Variants in IFI16 observed in about 807,000 individuals in gnomAD.
IFI16 encodes the protein gamma-interferon-inducible protein 16.
In IFI16, 49 loss-of-function variants were observed where a neutral mutation model predicts 68.4. The observed-to-expected ratio is 0.72, with a 90% CI of 0.57 to 0.91. The LOEUF is 0.91. Among genes scored for constraint, IFI16 ranks in the 40% least tolerant of loss-of-function variants. The probability of loss-of-function intolerance (pLI) is 0.00; values close to 1 mark genes in which losing one functional copy is unlikely to be tolerated. For missense variants in IFI16, 878 were observed against 942.9 expected (o/e 0.93, Z 0.90); for synonymous variants, 307 against 315.0 (o/e 0.97, Z 0.27).
In IFI16 at chr1:159,016,535, A is replaced by G; in HGVS notation, c.384A>G (p.Lys128=). The part of the protein sequence containing the change: ...EGAEATPGAQ[K]RKKSTKEKAG... ...CAGGAAAATCAAACCACTTTCAGAA[A>G]AGAAAAAAATCAACCAAAGAAAAGG... is the stretch of plus-strand genomic sequence containing the variant. Residue 128 remains lysine (K), a splice_region_variant and synonymous_variant, in exon 4 of 12, where the codon AAA becomes AAG. Coordinates refer to ENST00000295809, the MANE Select transcript of IFI16 (RefSeq NM_001376587.1). The G allele has an allele frequency of 6.2e-7, 1 of 1,602,774 alleles. No homozygotes were observed. Among genetic ancestry groups the G allele is most frequent in the Non-Finnish European group, 8.5e-7 (1 of 1,176,148 alleles).
chr1:159,028,028 T>C (rs1653777822), intron 6 of IFI16, among the ~76,000 whole-genome samples: 1 of 152,188 alleles, frequency 6.6e-6, no homozygotes, highest in African/African-American at 2.4e-5. Context: ...TCTGCTTTGA[T>C]CTTTGTTATT....
At chr1:159,000,434 TTACAG>T (rs1408651570) in intron 1 of IFI16, 1 of 157,380 alleles carries the variant, frequency 6.4e-6, no homozygotes, top group Non-Finnish European at 1.4e-5. Flanking sequence ...AATAAAATGT[TTACAG>T]TACAGTAAAA....
chr1:159,034,796 T>G (rs369506087), intron 7 of IFI16, among the ~76,000 whole-genome samples: 2 of 152,208 alleles, frequency 1.3e-5, no homozygotes, highest in Non-Finnish European at 2.9e-5. Context: ...AATTGGGGTG[T>G]GGGAGTAATT....
chr1:159,017,525 A>C (rs920847194), intron 4 of IFI16, among the ~76,000 whole-genome samples: 3 of 150,612 alleles, frequency 2.0e-5, no homozygotes, highest in Admixed American at 2.0e-4. Context: ...AACTTTGTCT[A>C]TTTTTAGGCT....
chr1:159,001,084 TA>T (rs1369312248), upstream of IFI16, among the ~76,000 whole-genome samples: 1 of 152,176 alleles, frequency 6.6e-6, no homozygotes, highest in Non-Finnish European at 1.5e-5. Flanking sequence ...AAATTAAACA[TA>T]ATACTTCCAA....
chr1:159,009,598 G>A (rs1202089685), upstream of IFI16, among the ~76,000 whole-genome samples: 1 of 152,110 alleles, frequency 6.6e-6, no homozygotes, highest in Admixed American at 6.5e-5. Context: ...GGGTAAGAAA[G>A]TTCTAATGTT....
chr1:159,007,084 G>T (rs149379083), upstream of IFI16, among the ~76,000 whole-genome samples: 1 of 152,184 alleles, frequency 6.6e-6, no homozygotes, highest in Non-Finnish European at 1.5e-5. Flanking sequence ...AACCAAGTGT[G>T]ACGAAAAAGA....
Position 159,016,804 on chromosome 1 carries a change from C to T in IFI16, c.549+104C>T, listed in dbSNP as rs73021861. 0.012 allele frequency: 11,997 copies of T among 1,011,626 alleles called. 937 individuals are homozygous for T. The African/African-American group carries it at 0.17, about 14-fold the overall frequency. The allele number at this position is 1,011,626 out of a possible 1,614,324, so 62.7% of individuals were successfully genotyped here. A position where few individuals can be genotyped will look rare whatever the true frequency, so the allele number is the denominator to read the frequency against. ...TTGCATCGATAATTTGCTAGTTAAT[C>T]CAATGTACATATTGAGAAACCACTA... is the stretch of plus-strand genomic sequence containing the variant. On this transcript the variant is annotated intron_variant, in intron 4 of 11. Transcript: ENST00000295809.
intron 8 of IFI16, among the ~76,000 whole-genome samples, chr1:159,046,919 T>C (rs1346572951): frequency 1.3e-5 from 2 of 151,362 alleles, no homozygotes; most frequent in Non-Finnish European, 3.0e-5. Context: ...TAGATACCCT[T>C]TCCTAGGAGA....
chr1:159,009,012 G>A (rs1179854340), upstream of IFI16: 4 of 152,016 alleles, frequency 2.6e-5, no homozygotes, highest in African/African-American at 9.7e-5. Context: ...GACATCCTGG[G>A]GTTACAGCAC....
chr1:159,033,500 C>T (rs1334980817), intron 7 of IFI16, among the ~76,000 whole-genome samples: 4 of 152,152 alleles, frequency 2.6e-5, no homozygotes, highest in African/African-American at 9.7e-5. Flanking sequence ...TTGGTTCTTA[C>T]GTGTTGTTCC....
chr1:159,017,024 T>C (rs1272455618), intron 4 of IFI16, among the ~76,000 whole-genome samples: 1 of 152,182 alleles, frequency 6.6e-6, no homozygotes, highest in Non-Finnish European at 1.5e-5. Flanking sequence ...GTATTCCATG[T>C]CAGACCTCTC....
In IFI16 at chr1:159,023,001, C is replaced by T. The variant is rs574199199; in HGVS notation, c.1161+2472C>T. Among the ~76,000 whole-genome samples the T allele has an allele frequency of 7.2e-5, 11 of 152,100 alleles. No homozygotes were observed. In the South Asian group the frequency reaches 2.3e-3, roughly 32 times the overall value. On this transcript the variant is annotated intron_variant, in intron 6 of 11. Transcript: ENST00000295809. ...GGAGGAGAATTAGGAGTTAACTCTGCAAGAGTGGCAGAGATAAGTTTTTGT... is the reference window on the plus strand; with the variant it reads ...GGAGGAGAATTAGGAGTTAACTCTGTAAGAGTGGCAGAGATAAGTTTTTGT...
intron 9 of IFI16, among the ~76,000 whole-genome samples, 154 bp downstream of exon 9, chr1:159,049,753 C>T (rs1241790482): frequency 6.6e-6 from 1 of 152,182 alleles, no homozygotes; most frequent in Non-Finnish European, 1.5e-5. Context: ...ATTTTGAGGT[C>T]CTATCCAAAA....
At chr1:159,004,574 G>T (rs1652182847), upstream of IFI16, among the ~76,000 whole-genome samples, 1 of 152,092 alleles carries the variant, frequency 6.6e-6, no homozygotes, top group Non-Finnish European at 1.5e-5. Context: ...GCTTGATGGT[G>T]CATGCGTGTA....
At chr1:159,050,388 T>C (rs897727482) in intron 9 of IFI16, among the ~76,000 whole-genome samples, 10 of 152,192 alleles carry the variant, frequency 6.6e-5, no homozygotes, top group African/African-American at 2.4e-4. Flanking sequence ...TTTCCTTAGG[T>C]TCTGTGCACC....
chr1:159,043,311 A>G (rs1306532823), intron 7 of IFI16, among the ~76,000 whole-genome samples: 3 of 152,270 alleles, frequency 2.0e-5, no homozygotes, highest in Non-Finnish European at 4.4e-5. Flanking sequence ...CATAGACATC[A>G]TAAGACAACT....
upstream of IFI16, among the ~76,000 whole-genome samples, chr1:159,004,089 A>C (rs1652165409): frequency 6.6e-6 from 1 of 152,222 alleles, no homozygotes; most frequent in Non-Finnish European, 1.5e-5. Context: ...CTTAATCTAA[A>C]ACATAAAAGG....
At chr1:159,001,524 G>A (rs1652060422), upstream of IFI16, among the ~76,000 whole-genome samples, 1 of 152,026 alleles carries the variant, frequency 6.6e-6, no homozygotes, top group African/African-American at 2.4e-5. Flanking sequence ...GTATTTTAAG[G>A]GACATTTTCA....
Sources: allele counts gnomAD v4.1 joint callset (sites outside exome capture counted in the v4.1 genomes callset), GRCh38; gene constraint gnomAD v4.1.1; transcripts MANE v1.5; gene names NCBI Gene and HGNC (gene_info 2026-07-23, HGNC 2026-07-21).